CHML: variants seen among roughly 807,000 people sequenced by gnomAD.
The protein encoded by CHML is rab proteins geranylgeranyltransferase component A 2.
Under a neutral mutation model 30.4 loss-of-function variants are expected in CHML, and 20 were observed. The ratio of observed to expected loss-of-function variants is 0.66; its 90% CI spans 0.46 to 0.95. CHML has a LOEUF of 0.95. Ranked by LOEUF, CHML falls within the 40% of genes least tolerant of loss-of-function variation. The probability of loss-of-function intolerance (pLI) is 0.00; values close to 1 mark genes in which losing one functional copy is unlikely to be tolerated. For synonymous variants in CHML, 281 were observed against 275.0 expected, an observed-to-expected ratio of 1.02 and a Z score of -0.22; for missense variants, 795 against 768.5, an observed-to-expected ratio of 1.03 and a Z score of -0.41.
Position 241,634,459 on chromosome 1 carries a change from C to T in CHML, c.1308G>A (p.Val436=). 2 of 1,613,630 alleles carry T rather than the reference C, an allele frequency of 1.2e-6. No individual in the cohort carries two copies. Among genetic ancestry groups the T allele is most frequent in the South Asian group, 1.1e-5 (1 of 91,068 alleles). The change falls in exon 2 of 2, where the codon GTG becomes GTA. Residue 436 remains valine, a synonymous_variant. Transcript: ENST00000366553. ...GQRINAKYFI[V]EDSYLSEETC... is the part of the protein sequence containing the mutation. The stretch of plus-strand genomic sequence containing the variant: ...TTTCCTCAGAAAGGTAACTGTCTTC[C>T]ACAATAAAATATTTAGCATTTATTC...
rs911313436 is a variant in CHML at position 241,632,158 on chromosome 1, G to A, written c.*1638C>T. On this transcript the variant is annotated 3_prime_UTR_variant, in exon 2 of 2. Coordinates refer to ENST00000366553, the MANE Select transcript of CHML (RefSeq NM_001381853.1). ...TCTCATGGTAGTAAATAAGTCTCAC[G>A]ATATCTGATGGTTTTAAAAGGGTTT... is the stretch of plus-strand genomic sequence containing the variant. The A allele has an allele frequency of 9.2e-5, 14 of 152,112 alleles. No individual in the cohort carries two copies. The highest frequency in any genetic ancestry group is 3.1e-4 in the African/African-American group (13 of 41,398). 9.4% of individuals were successfully genotyped at this position (152,112 alleles called of 1,614,324 possible).
In CHML at chr1:241,634,767, T is replaced by G; in HGVS notation, c.1000A>C (p.Asn334His). ...GAGTGCAGTACAAAATGTTGAAGGT[T>G]GGGAGTTAGTTTTTTAGTTTTTAAG... ...EYLKTKKLTP[N>H]LQHFVLHSIA... Residue 334 changes from asparagine to histidine, a missense_variant, in exon 2 of 2, where the codon AAC becomes CAC. By Grantham distance (68) the Asn-to-His change is moderately conservative. Coordinates refer to ENST00000366553, the MANE Select transcript of CHML (RefSeq NM_001381853.1). The G allele has an allele frequency of 6.2e-7, 1 of 1,613,988 alleles. No individual in the cohort carries two copies. Among genetic ancestry groups the G allele is most frequent in the Non-Finnish European group, 8.5e-7 (1 of 1,179,890 alleles).
In CHML at chr1:241,629,886, T is replaced by C. The variant is rs1019424440; in HGVS notation, c.*3910A>G. 2 of 152,112 alleles carry C rather than the reference T, an allele frequency of 1.3e-5. No individual in the cohort carries two copies. The highest frequency in any genetic ancestry group is 2.9e-5 in the Non-Finnish European group (2 of 67,950). 9.4% of individuals were successfully genotyped at this position (152,112 alleles called of 1,614,324 possible). A position where few individuals can be genotyped will look rare whatever the true frequency, so the allele number is the denominator to read the frequency against. Reference sequence around the variant, plus strand: ...TATTCAGAAAGGTTGCTTAATAGCATGTTTTAAGGATTTGGAGAGCAAGGC... The same window carrying C: ...TATTCAGAAAGGTTGCTTAATAGCACGTTTTAAGGATTTGGAGAGCAAGGC... On this transcript the variant is annotated 3_prime_UTR_variant, in exon 2 of 2. Transcript: ENST00000366553.
In CHML at chr1:241,635,467, T is replaced by C; in HGVS notation, c.300A>G (p.Glu100=). The C allele has an allele frequency of 6.2e-7, 1 of 1,613,886 alleles. No homozygotes were observed. The highest frequency in any genetic ancestry group is 8.5e-7 in the Non-Finnish European group (1 of 1,179,962). The part of the protein sequence containing the change: ...RKKDETIQHT[E]AFCYASQDME... Reference sequence around the variant, plus strand: ...TATCCTGACTGGCGTAGCAAAAAGCTTCTGTGTGTTGAATAGTTTCATCCT... The same window carrying C: ...TATCCTGACTGGCGTAGCAAAAAGCCTCTGTGTGTTGAATAGTTTCATCCT... Residue 100 remains glutamate, a synonymous_variant, in exon 2 of 2, where the codon GAA becomes GAG. Transcript: ENST00000366553.
At chr1:241,639,841 A>T in intron 1 of CHML, 41 bp downstream of exon 1, 3 of 1,443,672 alleles carry the variant, frequency 2.1e-6, no homozygotes, top group Non-Finnish European at 2.7e-6. Flanking sequence ...GGGGAGTGGA[A>T]GTTTGCAGAG....
chr1:241,640,034 G>C lies in CHML; in HGVS notation c.-460C>G, dbSNP rs773774140. 7 of 1,613,180 alleles carry C rather than the reference G, an allele frequency of 4.3e-6. No individual in the cohort carries two copies. The highest frequency in any genetic ancestry group is 5.9e-6 in the Non-Finnish European group (7 of 1,179,670). ...GTTGACCAGGAGGAGGTGAGTGGGA[G>C]TGCGGAGCCGCTGGAACTTGTAGTA... On this transcript the variant is annotated 5_prime_UTR_variant, in exon 1 of 2. Transcript: ENST00000366553.
intron 1 of CHML, 43 bp downstream of exon 1, chr1:241,639,839 G>A: frequency 4.1e-6 from 6 of 1,446,102 alleles, no homozygotes; most frequent in Non-Finnish European, 5.5e-6. Context: ...GTGGGGAGTG[G>A]AAGTTTGCAG....
rs1664645239 is a variant in CHML, at chr1:241,631,829, T to TA, written c.*1966dup. The TA allele has an allele frequency of 2.0e-5, 3 of 152,156 alleles. No individual in the cohort carries two copies. The highest frequency in any genetic ancestry group is 2.0e-4 in the Admixed American group (3 of 15,264). The allele number at this position is 152,156 out of a possible 1,614,324, so 9.4% of individuals were successfully genotyped here. A position where few individuals can be genotyped will look rare whatever the true frequency, so the allele number is the denominator to read the frequency against. On this transcript the variant is annotated 3_prime_UTR_variant, in exon 2 of 2. Coordinates refer to ENST00000366553, the MANE Select transcript of CHML (RefSeq NM_001381853.1). ...GTGTGCTTTTTACCCCCGGCAATGC[T>TA]AGACTAATTTTCGTGGGCACTTTCT... is the stretch of plus-strand genomic sequence containing the variant.
Position 241,631,569 on chromosome 1 carries a change from A to T in CHML, c.*2227T>A, listed in dbSNP as rs749541211. ...CTTTAAGTAAGTTGTCAATTACTTA[A>T]ATCTGTCTAGTCTCATTTTCCTCAC... On this transcript the variant is annotated 3_prime_UTR_variant, in exon 2 of 2. Coordinates refer to ENST00000366553, the MANE Select transcript of CHML (RefSeq NM_001381853.1). 2 of 152,134 alleles carry T rather than the reference A, an allele frequency of 1.3e-5. No homozygotes were observed. Among genetic ancestry groups the T allele is most frequent in the Non-Finnish European group, 2.9e-5 (2 of 68,010 alleles). 9.4% of individuals were successfully genotyped at this position (152,134 alleles called of 1,614,324 possible).
Position 241,640,063 on chromosome 1 carries a change from G to A in CHML, c.-489C>T, listed in dbSNP as rs1665060785. On this transcript the variant is annotated 5_prime_UTR_variant, in exon 1 of 2. Transcript: ENST00000366553. ...GGAGCCGCTGGAACTTGTAGTAGAG[G>A]ACGAGCACCAGCAGGTTGTTGCCGA... 1 of 1,612,284 alleles carries A rather than the reference G, an allele frequency of 6.2e-7. No individual in the cohort carries two copies. The highest frequency in any genetic ancestry group is 8.5e-7 in the Non-Finnish European group (1 of 1,179,316).
At position 241,640,157 on chromosome 1, in the gene CHML, G is replaced by T; in HGVS notation, c.-583C>A. ...GTAGGTGCCGGGGCTGAAGAGGGGC[G>T]CGGGGCTCAGTGTCCCCGCCGGCGC... is the stretch of plus-strand genomic sequence containing the variant. On this transcript the variant is annotated 5_prime_UTR_variant, in exon 1 of 2. Transcript: ENST00000366553. The T allele has an allele frequency of 1.3e-6, 2 of 1,514,418 alleles. No homozygotes were observed. Among genetic ancestry groups the T allele is most frequent in the Non-Finnish European group, 1.8e-6 (2 of 1,134,076 alleles). The allele number at this position is 1,514,418 out of a possible 1,614,324, so 93.8% of individuals were successfully genotyped here. A position where few individuals can be genotyped will look rare whatever the true frequency, so the allele number is the denominator to read the frequency against.
chr1:241,631,559 C>T lies in CHML; in HGVS notation c.*2237G>A, dbSNP rs572942434. On this transcript the variant is annotated 3_prime_UTR_variant, in exon 2 of 2. Transcript: ENST00000366553. ...GACTTTGCTACTTTAAGTAAGTTGT[C>T]AATTACTTAAATCTGTCTAGTCTCA... 2 of 152,080 alleles carry T rather than the reference C, an allele frequency of 1.3e-5. No individual in the cohort carries two copies. The highest frequency in any genetic ancestry group is 1.5e-5 in the Non-Finnish European group (1 of 67,958). The allele number at this position is 152,080 out of a possible 1,614,324, so 9.4% of individuals were successfully genotyped here.
chr1:241,635,143 C>T lies in CHML; in HGVS notation c.624G>A (p.Lys208=), dbSNP rs769602277. 2 of 1,612,796 alleles carry T rather than the reference C, an allele frequency of 1.2e-6. No homozygotes were observed. The highest frequency in any genetic ancestry group is 2.2e-5 in the South Asian group (2 of 91,076). Residue 208 remains lysine (K), a synonymous_variant, in exon 2 of 2, where the codon AAG becomes AAA. Coordinates refer to ENST00000366553, the MANE Select transcript of CHML (RefSeq NM_001381853.1). ...TCCTATTTCTAATTGGTTCATCGGC[C>T]TTATCTTCTACTGTAGATTTGCTTT... ...KDESKSTVED[K]ADEPIRNRIT... is the part of the protein sequence containing the mutation.
In CHML at chr1:241,633,180, A is replaced by T. The variant is rs1385829611; in HGVS notation, c.*616T>A. ...CATTGCCTCATCAGTTACAAGGGTC[A>T]AGTGAGTATTATAAACTTCAGACCT... is the stretch of plus-strand genomic sequence containing the variant. On this transcript the variant is annotated 3_prime_UTR_variant, in exon 2 of 2. Transcript: ENST00000366553. The T allele has an allele frequency of 6.6e-6, 1 of 152,426 alleles. No individual in the cohort carries two copies. Among genetic ancestry groups the T allele is most frequent in the Non-Finnish European group, 1.5e-5 (1 of 68,208 alleles). 9.4% of individuals were successfully genotyped at this position (152,426 alleles called of 1,614,324 possible).
intron 1 of CHML, among the ~76,000 whole-genome samples, chr1:241,637,780 C>G (rs1664955114): frequency 6.6e-6 from 1 of 152,184 alleles, no homozygotes; most frequent in African/African-American, 2.4e-5. Flanking sequence ...AAAGCCCGCA[C>G]AATGCATGAG....
At chr1:241,639,329 C>T (rs1665022093) in intron 1 of CHML, 1 of 152,168 alleles carries the variant, frequency 6.6e-6, no homozygotes, top group African/African-American at 2.4e-5. Flanking sequence ...TGTCTCATTC[C>T]CTAGAAAGCA....
rs1162419878 is a variant in CHML, at chr1:241,630,798, T to G, written c.*2998A>C. ...AAATCAAGGGTGAATGATGAATTTT[T>G]GAAAAGTTATCTGTAATTAATACTT... On this transcript the variant is annotated 3_prime_UTR_variant, in exon 2 of 2. Transcript: ENST00000366553. 1 of 152,114 alleles carries G rather than the reference T, an allele frequency of 6.6e-6. No homozygotes were observed. The allele number at this position is 152,114 out of a possible 1,614,324, so 9.4% of individuals were successfully genotyped here.
In CHML at chr1:241,631,681, G is replaced by C. The variant is rs1246716325; in HGVS notation, c.*2115C>G. On this transcript the variant is annotated 3_prime_UTR_variant, in exon 2 of 2. Coordinates refer to ENST00000366553, the MANE Select transcript of CHML (RefSeq NM_001381853.1). ...ACACAATCTTCAGATCATGAGATGT[G>C]TTACTGAAGAACATTTTGTTAAAAT... The C allele has an allele frequency of 1.3e-5, 2 of 152,092 alleles. No individual in the cohort carries two copies. Among genetic ancestry groups the C allele is most frequent in the Admixed American group, 1.3e-4 (2 of 15,258 alleles). 9.4% of individuals were successfully genotyped at this position (152,092 alleles called of 1,614,324 possible).
At position 241,633,577 on chromosome 1, in the gene CHML, T is replaced by C. The variant is rs898588578; in HGVS notation, c.*219A>G. 1.2e-5 allele frequency: 7 copies of C among 569,312 alleles called. No individual in the cohort carries two copies. Among genetic ancestry groups the C allele is most frequent in the South Asian group, 2.1e-5 (1 of 46,634 alleles). The allele number at this position is 569,312 out of a possible 1,614,324, so 35.3% of individuals were successfully genotyped here. On this transcript the variant is annotated 3_prime_UTR_variant, in exon 2 of 2. Transcript: ENST00000366553. ...CTCTGTTTTAAGATTCTGGGTCATA[T>C]AGCCCATTCTAAACAAAATGTTCAA...
Sources: allele counts gnomAD v4.1 joint callset (sites outside exome capture counted in the v4.1 genomes callset), GRCh38; gene constraint gnomAD v4.1.1; transcripts MANE v1.5; gene names NCBI Gene and HGNC (gene_info 2026-07-23, HGNC 2026-07-21).